KCNN2: variants seen among roughly 807,000 people sequenced by gnomAD.
KCNN2 encodes the protein potassium calcium-activated channel subfamily N member 2, also known as small conductance calcium-activated potassium channel protein 2.
KCNN2 carries 24 observed loss-of-function variants against 55.5 expected under a neutral mutation model. That is an observed-to-expected ratio of 0.43 (90% confidence interval 0.31 to 0.61). The LOEUF (loss-of-function observed/expected upper bound fraction) is 0.61. KCNN2 is among the 20% of genes least tolerant of loss of function. KCNN2 has a pLI of 0.08. For synonymous variants in KCNN2, 431 were observed against 336.1 expected (o/e 1.28, Z -3.09); for missense variants, 754 against 853.6 (o/e 0.88, Z 1.45).
chr5:114,189,808 A>G (rs1753414237), intron 1 of KCNN2, among the ~76,000 whole-genome samples: 1 of 152,174 alleles, frequency 6.6e-6, no homozygotes, highest in Non-Finnish European at 1.5e-5. Context: ...CATACATGGG[A>G]TCTTGGAATG....
At chr5:114,267,042 C>G (rs1236187218) in intron 2 of KCNN2, among the ~76,000 whole-genome samples, 1 of 140,046 alleles carries the variant, frequency 7.1e-6, no homozygotes, top group Non-Finnish European at 1.5e-5. Flanking sequence ...TCTCTCCAGG[C>G]TAGAGTGCAG....
At chr5:114,333,393 G>A (rs1756862169) in intron 2 of KCNN2, among the ~76,000 whole-genome samples, 1 of 152,056 alleles carries the variant, frequency 6.6e-6, no homozygotes, top group African/African-American at 2.4e-5. Flanking sequence ...TTATATTGAA[G>A]GTTATTTTAA....
In KCNN2 at chr5:114,362,183, A is replaced by C; in HGVS notation, c.44A>C (p.Gln15Pro). ...TTCCAGCGCGGCTTCTTCCCAGAGCAGCCGCCGCCGCCGCCGCGCTCCTCA... is the reference window on the plus strand; with the variant it reads ...TTCCAGCGCGGCTTCTTCCCAGAGCCGCCGCCGCCGCCGCCGCGCTCCTCA... ...LQFQRGFFPE[Q>P]PPPPPRSSHL... Residue 15 changes from glutamine to proline, a missense_variant, in exon 1 of 8, where the codon CAG becomes CCG. Physicochemically the swap from Gln to Pro is moderately conservative, Grantham distance 76. This residue lies in a region of KCNN2 where 381 missense variants were observed against 259.1 expected (regional missense o/e 1.47). Coordinates refer to ENST00000673685, the MANE Select transcript of KCNN2 (RefSeq NM_021614.4). The C allele has an allele frequency of 5.8e-6, 1 of 172,932 alleles. No individual in the cohort carries two copies. Among genetic ancestry groups the C allele is most frequent in the South Asian group, 1.4e-4 (1 of 7,174 alleles). The allele number at this position is 172,932 out of a possible 1,614,324, so 10.7% of individuals were successfully genotyped here. A position where few individuals can be genotyped will look rare whatever the true frequency, so the allele number is the denominator to read the frequency against.
chr5:114,126,100 C>G (rs1561486135), intron 1 of KCNN2, among the ~76,000 whole-genome samples: 4 of 152,102 alleles, frequency 2.6e-5, no homozygotes, highest in Non-Finnish European at 5.9e-5. Context: ...TGTCTCTTCA[C>G]ATCATTTTCC....
At chr5:114,352,814 C>A (rs1043949027) in intron 2 of KCNN2, among the ~76,000 whole-genome samples, 1 of 151,844 alleles carries the variant, frequency 6.6e-6, no homozygotes, top group Non-Finnish European at 1.5e-5. Context: ...TCAAGTCAGG[C>A]TATTTTGGAC....
intron 2 of KCNN2, among the ~76,000 whole-genome samples, chr5:114,369,772 T>G (rs36950): frequency 0.53 from 80,063 of 151,956 alleles, 21,813 homozygotes; most frequent in East Asian, 0.85. Context: ...TAAATAAAGC[T>G]ATCCTGGTGT....
At chr5:114,290,169 G>C (rs910820856) in intron 2 of KCNN2, among the ~76,000 whole-genome samples, 1 of 152,114 alleles carries the variant, frequency 6.6e-6, no homozygotes, top group Non-Finnish European at 1.5e-5. Context: ...GGAATAGTTT[G>C]AGAAAGATTG....
intron 2 of KCNN2, among the ~76,000 whole-genome samples, chr5:114,332,621 G>C (rs1372419103): frequency 6.6e-6 from 1 of 152,118 alleles, no homozygotes; most frequent in Non-Finnish European, 1.5e-5. Context: ...TGGCCACCCT[G>C]CAGTTACAGA....
chr5:114,117,243 G>T (rs1751724232), intron 1 of KCNN2, among the ~76,000 whole-genome samples: 2 of 152,080 alleles, frequency 1.3e-5, no homozygotes, highest in Admixed American at 6.5e-5. Context: ...TACCTGCATT[G>T]GGTGTGGCCA....
intron 1 of KCNN2, among the ~76,000 whole-genome samples, chr5:114,117,117 C>A (rs879653805): frequency 6.6e-6 from 1 of 152,102 alleles, no homozygotes; most frequent in African/African-American, 2.4e-5. Flanking sequence ...TTCTGGCTTA[C>A]TTTTTACATG....
At chr5:114,203,497 C>T (rs1753714976) in intron 1 of KCNN2, among the ~76,000 whole-genome samples, 1 of 152,146 alleles carries the variant, frequency 6.6e-6, no homozygotes, top group African/African-American at 2.4e-5. Context: ...CTAATTGGTA[C>T]CATATTTTCC....
intron 2 of KCNN2, among the ~76,000 whole-genome samples, chr5:114,350,969 G>A (rs563312960): frequency 3.3e-5 from 5 of 151,778 alleles, no homozygotes; most frequent in Non-Finnish European, 4.4e-5. Flanking sequence ...GTTAGGGTCA[G>A]TTTGCCAATT....
chr5:114,277,620 G>T (rs548518493), intron 2 of KCNN2, among the ~76,000 whole-genome samples: 1 of 152,178 alleles, frequency 6.6e-6, no homozygotes, highest in East Asian at 1.9e-4. Flanking sequence ...TCTTTTGCTT[G>T]ATCAAATCAG....
intron 1 of KCNN2, among the ~76,000 whole-genome samples, chr5:114,170,870 T>A (rs1753019149): frequency 6.6e-6 from 1 of 152,016 alleles, no homozygotes; most frequent in Admixed American, 6.6e-5. Context: ...ATTGTTCCCT[T>A]TTTAAGAAAT....
chr5:114,175,351 G>C (rs1255752587), intron 1 of KCNN2, among the ~76,000 whole-genome samples: 1 of 152,112 alleles, frequency 6.6e-6, no homozygotes, highest in African/African-American at 2.4e-5. Context: ...ATTAAGTTGT[G>C]CTCTTTCTAG....
chr5:114,435,468 TA>T, intron 3 of KCNN2, among the ~76,000 whole-genome samples: 1 of 152,168 alleles, frequency 6.6e-6, no homozygotes, highest in African/African-American at 2.4e-5. Context: ...AAACTGGTAG[TA>T]ATGAAAAATA....
intron 2 of KCNN2, among the ~76,000 whole-genome samples, chr5:114,281,625 C>CTGTG (rs10579037): frequency 4.1e-5 from 6 of 145,394 alleles, no homozygotes; most frequent in Non-Finnish European, 6.1e-5. Flanking sequence ...CCCTCCATCT[C>CTGTG]TGTGTGTGTG....
At position 114,227,291 on chromosome 5, in the gene KCNN2, G is replaced by T. The variant is rs145604877; in HGVS notation, c.-185+5726G>T. Among the ~76,000 whole-genome samples the T allele has an allele frequency of 1.1e-4, 17 of 152,164 alleles. No homozygotes were observed. In the East Asian group the frequency reaches 3.1e-3, roughly 28 times the overall value. On this transcript the variant is annotated intron_variant, in intron 2 of 10. Transcript: ENST00000512097. ...CTATCTACTTACTTTTGTTTTTGCT[G>T]TTCTCGCTACTAAAAATATAACCTG...
intron 1 of KCNN2, among the ~76,000 whole-genome samples, chr5:114,166,429 T>A (rs1424909737): frequency 6.6e-6 from 1 of 152,184 alleles, no homozygotes; most frequent in African/African-American, 2.4e-5. Context: ...CTCTCTCATT[T>A]AGAGTGGCCT....
Sources: allele counts gnomAD v4.1 joint callset (sites outside exome capture counted in the v4.1 genomes callset), GRCh38; gene constraint gnomAD v4.1.1; regional missense constraint gnomAD v4.1.1; transcripts MANE v1.5; gene names NCBI Gene and HGNC (gene_info 2026-07-23, HGNC 2026-07-21).